The following C1orf21 variants were observed in gnomAD, a reference collection of about 807,000 sequenced individuals.
The protein encoded by C1orf21 is uncharacterized protein C1orf21.
A neutral mutation model predicts 18.7 loss-of-function variants in C1orf21; 3 were observed. That is an observed-to-expected ratio of 0.16 (90% CI 0.07 to 0.42). The LOEUF (loss-of-function observed/expected upper bound fraction) is 0.42, where lower values mean the gene tolerates loss of function less well. Among genes scored for constraint, C1orf21 ranks in the 10% least tolerant of loss-of-function variants. C1orf21 has a pLI of 0.99. For missense variants in C1orf21, 104 were observed against 143.6 expected (o/e 0.72, Z 1.41); for synonymous variants, 41 against 46.4 (o/e 0.88, Z 0.47).
intron 3 of C1orf21, among the ~76,000 whole-genome samples, chr1:184,588,915 G>A (rs1192754780): frequency 6.6e-6 from 1 of 152,154 alleles, no homozygotes; most frequent in Non-Finnish European, 1.5e-5. Flanking sequence ...GCGTTACTGA[G>A]GGCCGGCTTC....
chr1:184,536,026 A>G (rs1338189236), intron 3 of C1orf21, among the ~76,000 whole-genome samples: 1 of 152,220 alleles, frequency 6.6e-6, no homozygotes, highest in Non-Finnish European at 1.5e-5. Context: ...ATGACATTAA[A>G]TCATTCAAGA....
At chr1:184,472,088 AC>A (rs1657504676) in intron 1 of C1orf21, among the ~76,000 whole-genome samples, 2 of 152,134 alleles carry the variant, frequency 1.3e-5, no homozygotes, top group African/African-American at 2.4e-5. Flanking sequence ...AACACTCATT[AC>A]AGTGAAGCCC....
In C1orf21 at chr1:184,492,338, C is replaced by T. The variant is rs149143102; in HGVS notation, c.94+14735C>T. ...GTGATTGCTATGGGAGTGTTGAGTG[C>T]TAATGTTCAAAGGTTCTATTTACCT... is the stretch of plus-strand genomic sequence containing the variant. On this transcript the variant is annotated intron_variant, in intron 2 of 5. Transcript: ENST00000235307. Among the ~76,000 whole-genome samples the T allele has an allele frequency of 8.7e-3, 1,323 of 152,230 alleles. 13 individuals carry two copies. Among genetic ancestry groups the T allele is most frequent in the Admixed American group, 0.012 (185 of 15,286 alleles).
At chr1:184,541,514 T>C (rs1031310230) in intron 3 of C1orf21, among the ~76,000 whole-genome samples, 2 of 152,230 alleles carry the variant, frequency 1.3e-5, no homozygotes, top group Non-Finnish European at 2.9e-5. Context: ...CCTGTCTGGA[T>C]GTCTTCAGGT....
chr1:184,483,800 A>G (rs1657691141), intron 2 of C1orf21, among the ~76,000 whole-genome samples: 1 of 151,158 alleles, frequency 6.6e-6, no homozygotes, highest in Non-Finnish European at 1.5e-5. Context: ...GTTGGTATTA[A>G]ATCTTCTCTA....
intron 3 of C1orf21, among the ~76,000 whole-genome samples, chr1:184,583,544 G>C (rs1446448744): frequency 2.6e-5 from 4 of 152,198 alleles, no homozygotes; most frequent in Admixed American, 2.6e-4. Context: ...GAGCCCCAAG[G>C]CTTAGGTTGA....
intron 2 of C1orf21, among the ~76,000 whole-genome samples, chr1:184,496,904 C>T (rs769878522): frequency 6.6e-6 from 1 of 152,152 alleles, no homozygotes; most frequent in Non-Finnish European, 1.5e-5. Flanking sequence ...GAGAAAGCAG[C>T]ATATAACATT....
intron 1 of C1orf21, among the ~76,000 whole-genome samples, chr1:184,431,011 A>G (rs570392865): frequency 6.6e-6 from 1 of 152,300 alleles, no homozygotes; most frequent in Admixed American, 6.5e-5. Context: ...CATCCCTTGT[A>G]AGTAGTATCC....
chr1:184,516,818 G>A (rs1341625264), intron 3 of C1orf21, among the ~76,000 whole-genome samples: 1 of 152,174 alleles, frequency 6.6e-6, no homozygotes, highest in African/African-American at 2.4e-5. Flanking sequence ...GGGACACAGA[G>A]CCAAACCATA....
intron 3 of C1orf21, among the ~76,000 whole-genome samples, chr1:184,516,134 G>A (rs1244628934): frequency 2.6e-5 from 4 of 152,050 alleles, no homozygotes; most frequent in Non-Finnish European, 5.9e-5. Flanking sequence ...TTGATTTACT[G>A]TTTCCAGGTA....
chr1:184,557,250 T>G (rs1340430855), intron 3 of C1orf21, among the ~76,000 whole-genome samples: 2 of 152,178 alleles, frequency 1.3e-5, no homozygotes, highest in Admixed American at 1.3e-4. Flanking sequence ...GTGTGTTTTT[T>G]TCTTTTTTTT....
At chr1:184,552,989 G>C (rs1330263729) in intron 3 of C1orf21, among the ~76,000 whole-genome samples, 1 of 152,120 alleles carries the variant, frequency 6.6e-6, no homozygotes, top group African/African-American at 2.4e-5. Context: ...CTGGCATATT[G>C]GTTAAGAAGG....
intron 1 of C1orf21, among the ~76,000 whole-genome samples, chr1:184,390,734 T>TA (rs1655958906): frequency 6.6e-6 from 1 of 152,224 alleles, no homozygotes; most frequent in Admixed American, 6.5e-5. Context: ...TGTGTAAAGA[T>TA]ACTTTTATGA....
intron 4 of C1orf21, among the ~76,000 whole-genome samples, chr1:184,591,639 T>C (rs1659438027): frequency 6.6e-6 from 1 of 151,940 alleles, no homozygotes; most frequent in Non-Finnish European, 1.5e-5. Context: ...ACCCCATCTC[T>C]ACTAAAAATA....
At chr1:184,599,939 C>T (rs1288111066) in intron 5 of C1orf21, among the ~76,000 whole-genome samples, 1 of 152,164 alleles carries the variant, frequency 6.6e-6, no homozygotes, top group Admixed American at 6.5e-5. Context: ...CTTCTGGCCG[C>T]AGGCATTTCA....
At chr1:184,431,616 A>G (rs1656765672) in intron 1 of C1orf21, among the ~76,000 whole-genome samples, 1 of 152,224 alleles carries the variant, frequency 6.6e-6, no homozygotes, top group Non-Finnish European at 1.5e-5. Context: ...AAAATTGACA[A>G]ACGGGATCTA....
chr1:184,537,984 T>C (rs1252965589), intron 3 of C1orf21, among the ~76,000 whole-genome samples: 1 of 152,126 alleles, frequency 6.6e-6, no homozygotes, highest in Non-Finnish European at 1.5e-5. Context: ...TACCCAGAAG[T>C]GGAATTGCTG....
chr1:184,433,335 C>T (rs1198573595), intron 1 of C1orf21, among the ~76,000 whole-genome samples: 6 of 152,096 alleles, frequency 3.9e-5, no homozygotes, highest in African/African-American at 4.8e-5. Flanking sequence ...TCTTTCTTCC[C>T]GAATCTTCTC....
chr1:184,582,301 A>T (rs1043145531), intron 3 of C1orf21, among the ~76,000 whole-genome samples: 1 of 152,252 alleles, frequency 6.6e-6, no homozygotes, highest in Non-Finnish European at 1.5e-5. Flanking sequence ...CCAAATTTTT[A>T]AAATGTGTGT....
Sources: gnomAD v4.1 joint callset for allele counts (sites outside exome capture counted in the v4.1 genomes callset) on GRCh38, gnomAD v4.1.1 for gene constraint, MANE v1.5 for transcripts, NCBI Gene and HGNC (gene_info 2026-07-23, HGNC 2026-07-21) for gene names.